SLC2A13: variants seen among roughly 807,000 people sequenced by gnomAD.
SLC2A13 encodes the protein proton myo-inositol cotransporter.
In SLC2A13, 32 loss-of-function variants were observed where a neutral mutation model predicts 64.4. The ratio of observed to expected loss-of-function variants is 0.50; its 90% CI spans 0.37 to 0.67. SLC2A13 has a LOEUF of 0.67. Ranked by LOEUF, SLC2A13 falls within the 30% of genes least tolerant of loss-of-function variation. SLC2A13 has a pLI of 0.00. For missense variants in SLC2A13, 743 were observed against 829.2 expected, an observed-to-expected ratio of 0.90 and a Z score of 1.28; for synonymous variants, 338 against 327.1, an observed-to-expected ratio of 1.03 and a Z score of -0.36.
intron 7 of SLC2A13, among the ~76,000 whole-genome samples, chr12:39,782,383 A>G (rs939353039): frequency 2.0e-5 from 3 of 152,068 alleles, no homozygotes; most frequent in Admixed American, 2.0e-4. Flanking sequence ...ATAGTGAGTA[A>G]GTGTCACGAA....
At chr12:39,832,164 C>T (rs190341847) in intron 6 of SLC2A13, among the ~76,000 whole-genome samples, 37 of 152,226 alleles carry the variant, frequency 2.4e-4, no homozygotes, top group African/African-American at 8.9e-4. Context: ...GTGATAAGCA[C>T]ACTAAACTAG....
At chr12:40,068,045 G>A (rs796684201) in intron 1 of SLC2A13, among the ~76,000 whole-genome samples, 23 of 152,042 alleles carry the variant, frequency 1.5e-4, no homozygotes, top group African/African-American at 4.8e-4. Flanking sequence ...CTTGGGCAAC[G>A]GGGAACCACT....
intron 4 of SLC2A13, among the ~76,000 whole-genome samples, chr12:39,885,794 G>A (rs1944451424): frequency 6.6e-6 from 1 of 152,086 alleles, no homozygotes; most frequent in Non-Finnish European, 1.5e-5. Flanking sequence ...TCTGAAGATC[G>A]TTCCCAATGC....
chr12:39,875,332 C>G (rs1461259667), intron 4 of SLC2A13, among the ~76,000 whole-genome samples: 2 of 152,188 alleles, frequency 1.3e-5, no homozygotes, highest in Non-Finnish European at 2.9e-5. Context: ...AATGATTTGT[C>G]AAGTCCCTCT....
intron 3 of SLC2A13, among the ~76,000 whole-genome samples, chr12:39,988,632 GA>G (rs1198970074): frequency 1.4e-5 from 2 of 139,416 alleles, no homozygotes; most frequent in African/African-American, 2.7e-5. Flanking sequence ...GAAGGAGGAG[GA>G]GGGGGAGGAG....
chr12:39,873,739 T>C (rs1944114673), intron 4 of SLC2A13, among the ~76,000 whole-genome samples: 1 of 152,162 alleles, frequency 6.6e-6, no homozygotes, highest in African/African-American at 2.4e-5. Flanking sequence ...AGGAGAGTAG[T>C]ATAAAACAGA....
At chr12:40,095,454 C>T (rs1264932285) in intron 1 of SLC2A13, among the ~76,000 whole-genome samples, 1 of 152,138 alleles carries the variant, frequency 6.6e-6, no homozygotes, top group Non-Finnish European at 1.5e-5. Context: ...TCAATAGGTC[C>T]ATACAAGTAG....
At chr12:39,930,196 G>A (rs1311786101) in intron 4 of SLC2A13, among the ~76,000 whole-genome samples, 1 of 151,568 alleles carries the variant, frequency 6.6e-6, no homozygotes, top group Non-Finnish European at 1.5e-5. Flanking sequence ...AGGAGAGAGA[G>A]AAAAAAATCC....
intron 3 of SLC2A13, among the ~76,000 whole-genome samples, chr12:39,963,102 C>T (rs973574748): frequency 3.9e-5 from 6 of 151,958 alleles, no homozygotes; most frequent in East Asian, 1.9e-4. Context: ...CTGGCTAACA[C>T]GGTGAAAACC....
intron 4 of SLC2A13, among the ~76,000 whole-genome samples, chr12:39,876,550 G>A (rs770743562): frequency 1.3e-5 from 2 of 152,016 alleles, no homozygotes; most frequent in African/African-American, 4.8e-5. Context: ...AAAAACACCT[G>A]ATAGACTTAC....
chr12:39,788,980 T>C (rs1056677953), intron 7 of SLC2A13, among the ~76,000 whole-genome samples: 1 of 152,150 alleles, frequency 6.6e-6, no homozygotes, highest in Non-Finnish European at 1.5e-5. Flanking sequence ...ATCGGATTGA[T>C]GCCATAGTTG....
chr12:39,926,305 A>G (rs1945728317), intron 4 of SLC2A13, among the ~76,000 whole-genome samples: 1 of 152,162 alleles, frequency 6.6e-6, no homozygotes, highest in Admixed American at 6.5e-5. Context: ...ATTTTTAAGA[A>G]CATCTTACAT....
intron 4 of SLC2A13, among the ~76,000 whole-genome samples, chr12:39,926,780 G>A (rs1477349452): frequency 6.6e-6 from 1 of 151,932 alleles, no homozygotes; most frequent in Admixed American, 6.6e-5. Context: ...CATGCTAGGC[G>A]AGCTTTTTAA....
At chr12:39,857,630 A>G (rs539046336) in intron 6 of SLC2A13, among the ~76,000 whole-genome samples, 6 of 152,292 alleles carry the variant, frequency 3.9e-5, no homozygotes, top group South Asian at 4.1e-4. Flanking sequence ...AAAAACACAA[A>G]TCTGATAATG....
intron 4 of SLC2A13, among the ~76,000 whole-genome samples, chr12:39,880,291 TC>T (rs1428279782): frequency 5.3e-5 from 8 of 152,332 alleles, no homozygotes; most frequent in Admixed American, 2.6e-4. Context: ...GGAAAATACA[TC>T]AATAGCTTTA....
At chr12:40,062,094 G>A (rs959060029) in intron 1 of SLC2A13, among the ~76,000 whole-genome samples, 6 of 151,958 alleles carry the variant, frequency 3.9e-5, no homozygotes, top group Non-Finnish European at 7.4e-5. Flanking sequence ...TGAGACAACT[G>A]GGTATCCATG....
intron 9 of SLC2A13, among the ~76,000 whole-genome samples, chr12:39,761,729 C>A (rs1457979135): frequency 1.3e-5 from 2 of 151,636 alleles, no homozygotes; most frequent in African/African-American, 4.8e-5. Context: ...CAGGGAGGGA[C>A]AAAGACGGGA....
chr12:40,065,002 T>A (rs1937668285), intron 1 of SLC2A13, among the ~76,000 whole-genome samples: 1 of 152,206 alleles, frequency 6.6e-6, no homozygotes, highest in Non-Finnish European at 1.5e-5. Flanking sequence ...CCAGTTTTTT[T>A]ATTTCTAATT....
chr12:40,100,024 A>T (rs1050196404), intron 1 of SLC2A13, among the ~76,000 whole-genome samples: 1 of 152,324 alleles, frequency 6.6e-6, no homozygotes, highest in African/African-American at 2.4e-5. Flanking sequence ...CATTGATCTC[A>T]ACATTGCATT....
Sources: allele counts gnomAD v4.1 joint callset (sites outside exome capture counted in the v4.1 genomes callset), GRCh38; gene constraint gnomAD v4.1.1; transcripts MANE v1.5; gene names NCBI Gene and HGNC (gene_info 2026-07-23, HGNC 2026-07-21).